P3H2: variants seen among roughly 807,000 people sequenced by gnomAD.
The protein encoded by P3H2 is prolyl 3-hydroxylase 2.
In P3H2, 80 loss-of-function variants were observed where a neutral mutation model predicts 87.0. That is an observed-to-expected ratio of 0.92 (90% CI 0.77 to 1.11). P3H2 has a LOEUF of 1.11. Among genes scored for constraint, P3H2 ranks in the 50% least tolerant of loss-of-function variants. The probability of loss-of-function intolerance (pLI) is 0.00; values close to 1 mark genes in which losing one functional copy is unlikely to be tolerated. For missense variants in P3H2, 1,001 were observed against 923.9 expected, an observed-to-expected ratio of 1.08 and a Z score of -1.08; for synonymous variants, 367 against 359.3, an observed-to-expected ratio of 1.02 and a Z score of -0.24.
chr3:190,034,296 A>T (rs1725347253), intron 1 of P3H2, among the ~76,000 whole-genome samples: 2 of 152,188 alleles, frequency 1.3e-5, no homozygotes, highest in African/African-American at 4.8e-5. Context: ...TGACAGCTGG[A>T]CTTGCACTTT....
chr3:190,049,829 C>A, intron 1 of P3H2, among the ~76,000 whole-genome samples: 1 of 152,120 alleles, frequency 6.6e-6, no homozygotes, highest in African/African-American at 2.4e-5. Flanking sequence ...AATGTGAGTT[C>A]TGAAGCATAT....
At chr3:189,967,772 T>G (rs1723046923) in intron 13 of P3H2, among the ~76,000 whole-genome samples, 2 of 152,152 alleles carry the variant, frequency 1.3e-5, no homozygotes, top group Admixed American at 1.3e-4. Flanking sequence ...ACATGAAATA[T>G]TTTTTCTTAG....
At chr3:190,098,808 T>C (rs1711518274) in intron 1 of P3H2, among the ~76,000 whole-genome samples, 2 of 152,210 alleles carry the variant, frequency 1.3e-5, no homozygotes, top group African/African-American at 4.8e-5. Context: ...AATGCAAGTT[T>C]AATTATGATT....
intron 3 of P3H2, among the ~76,000 whole-genome samples, chr3:189,990,873 T>G (rs1156297450): frequency 6.6e-6 from 1 of 152,220 alleles, no homozygotes; most frequent in Non-Finnish European, 1.5e-5. Context: ...AGATCTCTAT[T>G]CTTTTCCAGC....
chr3:190,030,608 G>C (rs1398706635), intron 1 of P3H2, among the ~76,000 whole-genome samples: 1 of 152,120 alleles, frequency 6.6e-6, no homozygotes, highest in Non-Finnish European at 1.5e-5. Context: ...GATTGTATTG[G>C]AAGTTGGCAA....
At chr3:190,093,348 T>C (rs911223394) in intron 1 of P3H2, among the ~76,000 whole-genome samples, 2 of 152,138 alleles carry the variant, frequency 1.3e-5, no homozygotes, top group Non-Finnish European at 2.9e-5. Context: ...CAAATGGCCC[T>C]ACCCTTCTAT....
intron 14 of P3H2, among the ~76,000 whole-genome samples, chr3:189,959,380 T>A (rs1327949310): frequency 3.3e-5 from 5 of 149,722 alleles, no homozygotes; most frequent in Non-Finnish European, 5.9e-5. Flanking sequence ...GCATTAGGTA[T>A]ATCTCCCAAT....
intron 3 of P3H2, among the ~76,000 whole-genome samples, chr3:189,990,536 G>C (rs1280535942): frequency 6.6e-6 from 1 of 151,748 alleles, no homozygotes; most frequent in Non-Finnish European, 1.5e-5. Context: ...CAGCAAAATA[G>C]GAGTGACAGA....
chr3:190,068,892 A>T (rs1237637710), intron 1 of P3H2, among the ~76,000 whole-genome samples: 1 of 152,222 alleles, frequency 6.6e-6, no homozygotes, highest in African/African-American at 2.4e-5. Context: ...TTTTACAAAA[A>T]AATTGCAAAT....
At chr3:189,975,932 T>C (rs1424832483) in intron 8 of P3H2, among the ~76,000 whole-genome samples, 1 of 151,786 alleles carries the variant, frequency 6.6e-6, no homozygotes, top group East Asian at 1.9e-4. Flanking sequence ...ATTTTACTTC[T>C]ATATATGCAA....
intron 1 of P3H2, among the ~76,000 whole-genome samples, chr3:190,058,824 A>G (rs1300120930): frequency 2.0e-5 from 3 of 152,186 alleles, no homozygotes; most frequent in Non-Finnish European, 4.4e-5. Flanking sequence ...AGGCACACAC[A>G]CAAAGGAAAC....
intron 3 of P3H2, among the ~76,000 whole-genome samples, chr3:189,991,771 G>A (rs903901547): frequency 7.9e-5 from 12 of 152,218 alleles, no homozygotes; most frequent in Admixed American, 6.5e-5. Flanking sequence ...TAAAGAATTG[G>A]ATTTTATTCC....
At chr3:190,043,009 T>C (rs1725683949) in intron 1 of P3H2, among the ~76,000 whole-genome samples, 1 of 152,192 alleles carries the variant, frequency 6.6e-6, no homozygotes, top group Non-Finnish European at 1.5e-5. Context: ...TAATTTCCAG[T>C]AGCAGAACAG....
At chr3:190,034,998 A>G (rs915736563) in intron 1 of P3H2, among the ~76,000 whole-genome samples, 2 of 151,460 alleles carry the variant, frequency 1.3e-5, no homozygotes, top group Non-Finnish European at 2.9e-5. Flanking sequence ...ACAGGCATGT[A>G]CCACCACACC....
intron 1 of P3H2, among the ~76,000 whole-genome samples, chr3:190,077,568 A>C (rs1726911432): frequency 6.6e-6 from 1 of 152,196 alleles, no homozygotes; most frequent in Admixed American, 6.5e-5. Context: ...GTTCTTGTCT[A>C]TTGAAGAAAT....
intron 13 of P3H2, chr3:189,969,884 C>T: frequency 8.9e-7 from 1 of 1,123,604 alleles, no homozygotes; most frequent in Non-Finnish European, 1.4e-6. Context: ...AAGGAAGCTG[C>T]AGTGGGCGAG....
intron 1 of P3H2, among the ~76,000 whole-genome samples, chr3:190,019,095 T>C (rs1347296550): frequency 6.6e-6 from 1 of 152,170 alleles, no homozygotes; most frequent in African/African-American, 2.4e-5. Flanking sequence ...TAATTGCCAT[T>C]CATTTCAATA....
intron 9 of P3H2, 187 bp from the exon 10 acceptor site, chr3:189,974,191 C>T: frequency 1.6e-6 from 1 of 615,702 alleles, no homozygotes. Flanking sequence ...CTTCATTCTA[C>T]ATTTTTATTA....
At position 190,120,366 on chromosome 3, in the gene P3H2, G is replaced by A; in HGVS notation, c.366C>T (p.Ser122=). 2 of 1,562,472 alleles carry A rather than the reference G, an allele frequency of 1.3e-6. No homozygotes were observed. The highest frequency in any genetic ancestry group is 1.7e-6 in the Non-Finnish European group (2 of 1,159,556). Residue 122 remains serine (S), a synonymous_variant, in exon 1 of 15, where the codon AGC becomes AGT. Coordinates refer to ENST00000319332, the MANE Select transcript of P3H2 (RefSeq NM_018192.4). ...SLLGRARCYR[S]CETQRLGGPA... ...GGCCCCCGAGGCGCTGGGTCTCACA[G>A]CTGCGATAACAGCGCGCCCGCCCCA...
Sources: allele counts gnomAD v4.1 joint callset (sites outside exome capture counted in the v4.1 genomes callset), GRCh38; gene constraint gnomAD v4.1.1; transcripts MANE v1.5; gene names NCBI Gene and HGNC (gene_info 2026-07-23, HGNC 2026-07-21).